MYRIP: variants seen among roughly 807,000 people sequenced by gnomAD.
The protein encoded by MYRIP is rab effector MyRIP.
MYRIP carries 49 observed loss-of-function variants against 98.0 expected under a neutral mutation model. The ratio of observed to expected loss-of-function variants is 0.50; its 90% CI spans 0.40 to 0.63. The LOEUF (loss-of-function observed/expected upper bound fraction) is 0.63, where lower values mean the gene tolerates loss of function less well. Among genes scored for constraint, MYRIP ranks in the 30% least tolerant of loss-of-function variants. The probability of loss-of-function intolerance (pLI) is 0.00; values close to 1 mark genes in which losing one functional copy is unlikely to be tolerated. For synonymous variants in MYRIP, 404 were observed against 409.5 expected (o/e 0.99, Z 0.16); for missense variants, 1,004 against 1,058.2 (o/e 0.95, Z 0.71).
At chr3:39,818,471 T>C (rs1359397124) in intron 1 of MYRIP, among the ~76,000 whole-genome samples, 1 of 152,144 alleles carries the variant, frequency 6.6e-6, no homozygotes, top group Non-Finnish European at 1.5e-5. Context: ...TCCATGGAGG[T>C]TGTTTTTTAT....
chr3:39,940,016 A>G (rs1164584546), intron 2 of MYRIP, among the ~76,000 whole-genome samples: 1 of 152,142 alleles, frequency 6.6e-6, no homozygotes, highest in Non-Finnish European at 1.5e-5. Context: ...TGTTTTTAAG[A>G]TGAATGAGGT....
At chr3:39,875,019 T>G (rs1942941604) in intron 1 of MYRIP, among the ~76,000 whole-genome samples, 2 of 152,108 alleles carry the variant, frequency 1.3e-5, no homozygotes. Flanking sequence ...CAATTTCGGA[T>G]ACTGTTATTG....
At chr3:40,016,802 G>A (rs1946871374) in intron 2 of MYRIP, among the ~76,000 whole-genome samples, 1 of 152,210 alleles carries the variant, frequency 6.6e-6, no homozygotes, top group Admixed American at 6.5e-5. Flanking sequence ...CATACGTGCA[G>A]TCAGTTAAAG....
intron 12 of MYRIP, among the ~76,000 whole-genome samples, chr3:40,235,290 C>T (rs964698186): frequency 1.3e-5 from 2 of 151,844 alleles, no homozygotes; most frequent in Admixed American, 6.6e-5. Context: ...GAGGAAAATG[C>T]CTAACATCAA....
intron 10 of MYRIP, among the ~76,000 whole-genome samples, chr3:40,204,048 ATATATT>A (rs1475345013): frequency 0.43 from 2,263 of 5,214 alleles, 714 homozygotes; most frequent in Non-Finnish European, 0.66. Context: ...ATTATATATA[ATATATT>A]TATATATAAT....
Position 40,011,144 on chromosome 3 carries a change from G to A in MYRIP, c.111-32906G>A, listed in dbSNP as rs973571073. On this transcript the variant is annotated intron_variant, in intron 2 of 16. Coordinates refer to ENST00000302541, the MANE Select transcript of MYRIP (RefSeq NM_015460.4). ...CAGAGGGCAAGATGGGGGAGAAAAGGCAGAATGACAAAATGGTGACCCTCC... is the reference window on the plus strand; with the variant it reads ...CAGAGGGCAAGATGGGGGAGAAAAGACAGAATGACAAAATGGTGACCCTCC... Among the ~76,000 whole-genome samples the A allele has an allele frequency of 3.9e-4, 60 of 152,124 alleles. 1 individual carries two copies. Among genetic ancestry groups the A allele is most frequent in the Non-Finnish European group, 1.5e-4 (10 of 68,022 alleles).
chr3:40,157,631 CTT>C (rs1444354399), intron 4 of MYRIP, among the ~76,000 whole-genome samples: 1 of 146,060 alleles, frequency 6.8e-6, no homozygotes, highest in Non-Finnish European at 1.5e-5. Flanking sequence ...GTCCTGGACT[CTT>C]TTTGGTTGGT....
chr3:40,049,320 CTA>C (rs966506101), intron 3 of MYRIP, among the ~76,000 whole-genome samples: 2 of 152,132 alleles, frequency 1.3e-5, no homozygotes, highest in African/African-American at 4.8e-5. Context: ...CTTCATGTCT[CTA>C]TGTCACGTTT....
chr3:40,239,369 C>T (rs147112622), intron 12 of MYRIP, among the ~76,000 whole-genome samples: 2,501 of 149,694 alleles, frequency 0.017, 21 homozygotes, highest in Middle Eastern at 0.031. Context: ...AACAAACATA[C>T]GTGTGCATGT....
intron 13 of MYRIP, among the ~76,000 whole-genome samples, chr3:40,245,616 T>C (rs1191208056): frequency 1.4e-4 from 16 of 113,870 alleles, no homozygotes; most frequent in Non-Finnish European, 2.3e-4. Flanking sequence ...ACCACTGCAC[T>C]CCAGCCTGGG....
intron 1 of MYRIP, among the ~76,000 whole-genome samples, chr3:39,878,683 C>G (rs865825904): frequency 9.2e-5 from 14 of 152,002 alleles, no homozygotes; most frequent in Middle Eastern, 3.2e-3. Flanking sequence ...ATGTCTATGA[C>G]AATGAATTGG....
chr3:39,952,683 C>T (rs1280195068), intron 2 of MYRIP, among the ~76,000 whole-genome samples: 3 of 152,132 alleles, frequency 2.0e-5, no homozygotes, highest in African/African-American at 4.8e-5. Flanking sequence ...TTTTCCTAAA[C>T]TCTGTTTCCT....
At chr3:39,910,052 C>T (rs547594157) in intron 2 of MYRIP, among the ~76,000 whole-genome samples, 12 of 151,990 alleles carry the variant, frequency 7.9e-5, no homozygotes, top group Middle Eastern at 3.4e-3. Flanking sequence ...CACCACACCC[C>T]GCTGATTTTT....
At chr3:40,020,347 C>A (rs571936701) in intron 2 of MYRIP, among the ~76,000 whole-genome samples, 2 of 152,332 alleles carry the variant, frequency 1.3e-5, no homozygotes, top group East Asian at 1.9e-4. Flanking sequence ...ATAGTTGCAG[C>A]TGTTTAAGTT....
intron 3 of MYRIP, among the ~76,000 whole-genome samples, chr3:40,109,072 C>G (rs1012961156): frequency 1.3e-5 from 2 of 152,168 alleles, no homozygotes; most frequent in Middle Eastern, 3.2e-3. Flanking sequence ...TGTTCCTTTC[C>G]TTTGAAACAC....
intron 2 of MYRIP, among the ~76,000 whole-genome samples, chr3:39,930,407 C>G (rs2125699303): frequency 6.6e-6 from 1 of 152,070 alleles, no homozygotes; most frequent in East Asian, 1.9e-4. Context: ...CTTTTTATTA[C>G]TAAGTTGTAA....
intron 2 of MYRIP, among the ~76,000 whole-genome samples, chr3:39,992,680 T>C (rs749917959): frequency 1.3e-5 from 2 of 152,200 alleles, no homozygotes; most frequent in South Asian, 2.1e-4. Flanking sequence ...ATTTCCACTT[T>C]GGTGACACAG....
chr3:40,250,173 C>T (rs1228457930), intron 13 of MYRIP, 49 bp from the exon 14 acceptor site: 2 of 1,418,120 alleles, frequency 1.4e-6, no homozygotes, highest in African/African-American at 2.8e-5. Context: ...GAAATATTTT[C>T]CCCTTCCGTA....
intron 13 of MYRIP, among the ~76,000 whole-genome samples, chr3:40,245,635 G>C (rs187529682): frequency 2.1e-4 from 24 of 113,794 alleles, no homozygotes; most frequent in African/African-American, 8.0e-4. Context: ...GGGCAACAGA[G>C]TGAGACTCCA....
Sources: gnomAD v4.1 joint callset for allele counts (sites outside exome capture counted in the v4.1 genomes callset) on GRCh38, gnomAD v4.1.1 for gene constraint, MANE v1.5 for transcripts, NCBI Gene and HGNC (gene_info 2026-07-23, HGNC 2026-07-21) for gene names.